Variants in BTF3L4 observed in about 807,000 individuals in gnomAD.
BTF3L4 encodes the protein transcription factor BTF3 homolog 4.
BTF3L4 carries 6 observed loss-of-function variants against 16.8 expected under a neutral mutation model. The observed-to-expected ratio is 0.36, with a 90% CI of 0.20 to 0.71. BTF3L4 has a LOEUF of 0.71. Among genes scored for constraint, BTF3L4 ranks in the 30% least tolerant of loss-of-function variants. BTF3L4 has a pLI of 0.58. For missense variants in BTF3L4, 92 were observed against 186.9 expected, an observed-to-expected ratio of 0.49 and a Z score of 2.96; for synonymous variants, 39 against 59.8, an observed-to-expected ratio of 0.65 and a Z score of 1.60.
rs932783312 is a variant in BTF3L4 at position 52,087,765 on chromosome 1, G to C, written c.*1007G>C. On this transcript the variant is annotated 3_prime_UTR_variant, in exon 6 of 6. Coordinates refer to ENST00000313334, the MANE Select transcript of BTF3L4 (RefSeq NM_152265.5). Reference sequence around the variant, plus strand: ...CCTGTTTTTCAGCAAGGTTGAAATTGGGAATGTCCTTTTGAATCAGAAGAA... The same window carrying C: ...CCTGTTTTTCAGCAAGGTTGAAATTCGGAATGTCCTTTTGAATCAGAAGAA... 3.3e-5 allele frequency: 5 copies of C among 152,612 alleles called. No homozygotes were observed. Among genetic ancestry groups the C allele is most frequent in the African/African-American group, 1.2e-4 (5 of 41,446 alleles). 9.5% of individuals were successfully genotyped at this position (152,612 alleles called of 1,614,324 possible). A position where few individuals can be genotyped will look rare whatever the true frequency, so the allele number is the denominator to read the frequency against.
intron 2 of BTF3L4, chr1:52,060,668 G>A: frequency 9.7e-7 from 1 of 1,034,680 alleles, no homozygotes; most frequent in Non-Finnish European, 1.2e-6. Flanking sequence ...TGGTAGGTAG[G>A]ACACTACTTT....
intron 2 of BTF3L4, among the ~76,000 whole-genome samples, chr1:52,064,590 A>G (rs541320723): frequency 1.3e-5 from 2 of 152,376 alleles, no homozygotes; most frequent in East Asian, 3.9e-4. Context: ...ATTAGATAAG[A>G]ATAATTCAAC....
chr1:52,083,402 C>G lies in BTF3L4; in HGVS notation c.231C>G (p.Ser77=), dbSNP rs199657688. Reference sequence around the variant, plus strand: ...TCAACAATCCCAAAGTCCAAGCTTCCCTTTCTGCTAATACCTTTGCAATTA... The same window carrying G: ...TCAACAATCCCAAAGTCCAAGCTTCGCTTTCTGCTAATACCTTTGCAATTA... ...IHFNNPKVQA[S]LSANTFAITG... Residue 77 remains serine, a synonymous_variant, in exon 4 of 6, where the codon TCC becomes TCG. Coordinates refer to ENST00000313334, the MANE Select transcript of BTF3L4 (RefSeq NM_152265.5). The G allele has an allele frequency of 8.7e-6, 14 of 1,611,918 alleles. No individual in the cohort carries two copies. The South Asian group carries it at 1.5e-4, about 18-fold the overall frequency.
At chr1:52,077,680 G>A (rs1478276658) in intron 3 of BTF3L4, among the ~76,000 whole-genome samples, 1 of 152,196 alleles carries the variant, frequency 6.6e-6, no homozygotes, top group Non-Finnish European at 1.5e-5. Context: ...AAGAGCTATG[G>A]AGTCAAATAT....
At chr1:52,073,689 CAAAAAAAAAAA>C (rs57529132) in intron 3 of BTF3L4, among the ~76,000 whole-genome samples, 2 of 67,632 alleles carry the variant, frequency 3.0e-5, no homozygotes, top group Admixed American at 2.6e-4. Flanking sequence ...GCTGTCTCTA[CAAAAAAAAAAA>C]AAAAAAAAAA....
chr1:52,057,031 C>G (rs1053006119), intron 1 of BTF3L4, among the ~76,000 whole-genome samples: 2 of 152,184 alleles, frequency 1.3e-5, no homozygotes, highest in African/African-American at 4.8e-5. Context: ...TGTGTATCTT[C>G]TGTGAACCAT....
At chr1:52,080,519 G>GTTT (rs753783341) in intron 3 of BTF3L4, among the ~76,000 whole-genome samples, 14 of 70,244 alleles carry the variant, frequency 2.0e-4, no homozygotes, top group African/African-American at 8.3e-4. Context: ...GGTTTTTTGG[G>GTTT]TTTTTTTTTT....
chr1:52,078,272 C>T (rs1298272168), intron 3 of BTF3L4, among the ~76,000 whole-genome samples: 6 of 135,702 alleles, frequency 4.4e-5, no homozygotes, highest in Non-Finnish European at 6.2e-5. Flanking sequence ...GCTGTGTTGT[C>T]CAGGCATCTT....
chr1:52,083,138 A>T (rs1572032606), intron 3 of BTF3L4, among the ~76,000 whole-genome samples: 2 of 151,338 alleles, frequency 1.3e-5, no homozygotes, highest in East Asian at 3.9e-4. Context: ...TTTCTTGTCC[A>T]TCCTAGTAAT....
chr1:52,085,381 T>G (rs1643962293), intron 4 of BTF3L4, among the ~76,000 whole-genome samples: 1 of 141,538 alleles, frequency 7.1e-6, no homozygotes, highest in African/African-American at 2.8e-5. Context: ...TTTTGTTTTG[T>G]TTTTTTTTTG....
At chr1:52,062,068 C>G (rs954237732) in intron 2 of BTF3L4, among the ~76,000 whole-genome samples, 2 of 151,866 alleles carry the variant, frequency 1.3e-5, no homozygotes, top group Non-Finnish European at 2.9e-5. Context: ...TCCCAAGTAT[C>G]TGGGACTATA....
rs1643994911 is a variant in BTF3L4 at position 52,088,878 on chromosome 1, G to A, written c.*2120G>A. On this transcript the variant is annotated 3_prime_UTR_variant, in exon 6 of 6. Coordinates refer to ENST00000313334, the MANE Select transcript of BTF3L4 (RefSeq NM_152265.5). ...TGCAACCTCCACCTCCCAGATTCAA[G>A]CGATTCTCCTGTCTCAGCCTCCACA... 1.3e-5 allele frequency: 2 copies of A among 151,632 alleles called. No homozygotes were observed. The highest frequency in any genetic ancestry group is 6.6e-5 in the Admixed American group (1 of 15,222). The allele number at this position is 151,632 out of a possible 1,614,324, so 9.4% of individuals were successfully genotyped here. A position where few individuals can be genotyped will look rare whatever the true frequency, so the allele number is the denominator to read the frequency against.
At chr1:52,069,464 A>C (rs1686730998) in intron 3 of BTF3L4, among the ~76,000 whole-genome samples, 1 of 152,182 alleles carries the variant, frequency 6.6e-6, no homozygotes, top group Non-Finnish European at 1.5e-5. Flanking sequence ...TATGATTTTC[A>C]GAAACACTCA....
chr1:52,065,569 CT>C (rs1686626494), intron 3 of BTF3L4, among the ~76,000 whole-genome samples: 2 of 151,480 alleles, frequency 1.3e-5, no homozygotes, highest in African/African-American at 4.8e-5. Context: ...CCCGGCCAGA[CT>C]TTTTTTTATT....
chr1:52,083,311 A>G, intron 3 of BTF3L4, 29 bp from the exon 4 acceptor site: 1 of 1,563,166 alleles, frequency 6.4e-7, no homozygotes, highest in Non-Finnish European at 8.8e-7. Context: ...CTAGCATGTG[A>G]AGTACATTTT....
chr1:52,068,052 C>T (rs1686698436), intron 3 of BTF3L4, among the ~76,000 whole-genome samples: 1 of 152,062 alleles, frequency 6.6e-6, no homozygotes. Context: ...TGTAATATCT[C>T]CAAGGACATG....
chr1:52,059,483 G>T (rs998607520), intron 1 of BTF3L4, among the ~76,000 whole-genome samples: 1 of 152,118 alleles, frequency 6.6e-6, no homozygotes, highest in Non-Finnish European at 1.5e-5. Context: ...ATCTTTGGGG[G>T]AAAAAAACTG....
At chr1:52,067,770 C>A (rs1175043190) in intron 3 of BTF3L4, among the ~76,000 whole-genome samples, 1 of 152,108 alleles carries the variant, frequency 6.6e-6, no homozygotes, top group Admixed American at 6.6e-5. Flanking sequence ...AACTCCTCTG[C>A]CCCCCAACCT....
At chr1:52,068,968 A>G (rs1460148942) in intron 3 of BTF3L4, among the ~76,000 whole-genome samples, 3 of 152,148 alleles carry the variant, frequency 2.0e-5, no homozygotes, top group African/African-American at 7.2e-5. Context: ...AGCACTTATT[A>G]AATTATATTG....
Sources: allele counts gnomAD v4.1 joint callset (sites outside exome capture counted in the v4.1 genomes callset), GRCh38; gene constraint gnomAD v4.1.1; transcripts MANE v1.5; gene names NCBI Gene and HGNC (gene_info 2026-07-23, HGNC 2026-07-21).